CDH4: variants seen among roughly 807,000 people sequenced by gnomAD.
CDH4 encodes the protein cadherin-4.
In CDH4, 33 loss-of-function variants were observed where a neutral mutation model predicts 86.0. The observed-to-expected ratio is 0.38, with a 90% CI of 0.29 to 0.51. The LOEUF (loss-of-function observed/expected upper bound fraction) is 0.51. CDH4 is among the 20% of genes least tolerant of loss of function. CDH4 has a pLI of 0.86. For missense variants in CDH4, 1,114 were observed against 1,307.4 expected (o/e 0.85, Z 2.28); for synonymous variants, 555 against 549.4 (o/e 1.01, Z -0.14).
chr20:61,623,795 C>T lies in CDH4; in HGVS notation c.170-119768C>T, dbSNP rs755344913. Among the ~76,000 whole-genome samples, 2 of 150,644 alleles carry T rather than the reference C, an allele frequency of 1.3e-5. No homozygotes were observed. Among genetic ancestry groups the T allele is most frequent in the East Asian group, 3.9e-4 (2 of 5,098 alleles). On this transcript the variant is annotated intron_variant, in intron 2 of 15. Transcript: ENST00000614565. This position sits in a 1 kb window ranked among gnomAD's most constrained non-coding sequence, Gnocchi z 4.4. ...AGCAGGAAAGACACGGTTCCTAGAG[C>T]GAGGAACACCCCAGAATCTGAGCAG...
chr20:61,543,320 A>G (rs1490087953), intron 2 of CDH4, among the ~76,000 whole-genome samples: 1 of 152,220 alleles, frequency 6.6e-6, no homozygotes, highest in Non-Finnish European at 1.5e-5. Flanking sequence ...TGTTATCTCT[A>G]GATGGGAGTT....
At chr20:61,714,895 C>G (rs8116165) in intron 2 of CDH4, among the ~76,000 whole-genome samples, 16,720 of 152,138 alleles carry the variant, frequency 0.11, 1,025 homozygotes, top group East Asian at 0.24. Context: ...CTTTTTGATG[C>G]GGTGACGTCT....
chr20:61,467,618 A>G (rs945865637), intron 2 of CDH4, among the ~76,000 whole-genome samples: 6 of 152,218 alleles, frequency 3.9e-5, no homozygotes, highest in African/African-American at 9.6e-5. Flanking sequence ...AACAAATTCT[A>G]CATAACATAA....
chr20:61,425,949 A>C (rs2085213016), intron 2 of CDH4, among the ~76,000 whole-genome samples: 1 of 152,236 alleles, frequency 6.6e-6, no homozygotes, highest in Non-Finnish European at 1.5e-5. Context: ...ATGTCCTCAG[A>C]TCATCTGAAA....
intron 2 of CDH4, among the ~76,000 whole-genome samples, chr20:61,680,206 C>T (rs2087495519): frequency 6.6e-6 from 1 of 152,238 alleles, no homozygotes; most frequent in South Asian, 2.1e-4. Context: ...CCCCCTGCCC[C>T]TGTCCTCCAC....
chr20:61,493,872 G>T (rs565648240), intron 2 of CDH4, among the ~76,000 whole-genome samples: 11 of 152,212 alleles, frequency 7.2e-5, no homozygotes, highest in Non-Finnish European at 1.3e-4. Flanking sequence ...GAGAACAGTG[G>T]CCCGTACAAA....
At chr20:61,869,516 C>A (rs1983703779) in intron 6 of CDH4, among the ~76,000 whole-genome samples, 2 of 152,228 alleles carry the variant, frequency 1.3e-5, no homozygotes, top group African/African-American at 4.8e-5. Flanking sequence ...CTGGACCCAG[C>A]CACGTTCCTC....
chr20:61,615,792 C>T (rs76137780), intron 2 of CDH4, among the ~76,000 whole-genome samples: 8 of 152,310 alleles, frequency 5.3e-5, no homozygotes, highest in African/African-American at 1.4e-4. Context: ...CTTGCACTTC[C>T]GGATTTTGGG....
chr20:61,759,090 G>A (rs1301804056), intron 3 of CDH4, among the ~76,000 whole-genome samples: 1 of 152,182 alleles, frequency 6.6e-6, no homozygotes, highest in Non-Finnish European at 1.5e-5. Context: ...ATGCATGTGT[G>A]CGCACACACG....
Position 61,924,425 on chromosome 20 carries a change from C to T in CDH4, c.1720C>T (p.Leu574Phe), listed in dbSNP as rs1301599356. The T allele has an allele frequency of 6.2e-7, 1 of 1,613,706 alleles. No homozygotes were observed. ...TTAAVLDRESLYTKNNVYEAT... is the reference protein window; with the variant it reads ...TTAAVLDRESFYTKNNVYEAT... ...GGCGGCAGTGCTGGACCGTGAGTCC[C>T]TCTACACCAAAAACAACGTCTACGA... The change falls in exon 11 of 16, where the codon CTC becomes TTC. Residue 574 changes from leucine to phenylalanine, a missense_variant. Physicochemically the swap from Leu to Phe is conservative, Grantham distance 22 (BLOSUM62 0). Transcript: ENST00000614565.
chr20:61,558,827 G>T (rs1208273433), intron 2 of CDH4, among the ~76,000 whole-genome samples: 2 of 152,254 alleles, frequency 1.3e-5, no homozygotes, highest in African/African-American at 2.4e-5. Flanking sequence ...TCCTGAGAAG[G>T]TCTCACCTCC....
rs745529490 is a variant in CDH4 at position 61,544,408 on chromosome 20, G to C, written c.170-199155G>C. 1.3e-5 allele frequency among the ~76,000 whole-genome samples: 2 copies of C among 152,002 alleles called. No individual in the cohort carries two copies. Among genetic ancestry groups the C allele is most frequent in the Non-Finnish European group, 2.9e-5 (2 of 67,996 alleles). On this transcript the variant is annotated intron_variant, in intron 2 of 15. Transcript: ENST00000614565. The surrounding 1 kb of genome is among the most constrained non-coding windows in gnomAD (Gnocchi z 6.5). ...AATCCAGCTTGCCCAGGAGAGAGGG[G>C]TGGGACTCCTGGTGTTCACTTCGTA...
intron 2 of CDH4, 21 bp from the exon 3 acceptor site, chr20:61,743,542 T>A: frequency 6.5e-7 from 1 of 1,547,360 alleles, no homozygotes; most frequent in Non-Finnish European, 8.8e-7. Context: ...CGACCCTGAC[T>A]CTCTCCCCCT....
chr20:61,270,416 A>G (rs1171491780), intron 2 of CDH4, among the ~76,000 whole-genome samples: 1 of 152,224 alleles, frequency 6.6e-6, no homozygotes, highest in Non-Finnish European at 1.5e-5. Flanking sequence ...CTTATATTTT[A>G]AGATAAAAAT....
At chr20:61,423,415 G>T (rs1435430750) in intron 2 of CDH4, among the ~76,000 whole-genome samples, 2 of 152,114 alleles carry the variant, frequency 1.3e-5, no homozygotes, top group South Asian at 4.1e-4. Flanking sequence ...ACCTGTATGG[G>T]CAAGACATGT....
chr20:61,901,780 T>C (rs1256859362), intron 8 of CDH4, among the ~76,000 whole-genome samples: 3 of 152,008 alleles, frequency 2.0e-5, no homozygotes, highest in Non-Finnish European at 2.9e-5. Context: ...GCCCATGGGG[T>C]TGGGGTGACA....
chr20:61,321,803 C>T (rs975646465), intron 2 of CDH4, among the ~76,000 whole-genome samples: 3 of 152,184 alleles, frequency 2.0e-5, no homozygotes, highest in African/African-American at 7.2e-5. Flanking sequence ...TAACAGGTGA[C>T]AGCACTGAGC....
intron 3 of CDH4, among the ~76,000 whole-genome samples, chr20:61,756,090 C>T (rs1219067809): frequency 6.6e-6 from 1 of 152,224 alleles, no homozygotes; most frequent in African/African-American, 2.4e-5. Context: ...CATGCCTTCT[C>T]CTCTGCACAT....
intron 9 of CDH4, among the ~76,000 whole-genome samples, chr20:61,922,926 TG>T (rs966653090): frequency 6.6e-6 from 1 of 152,212 alleles, no homozygotes; most frequent in African/African-American, 2.4e-5. Context: ...CAGCCCTGCC[TG>T]TCTGTTATGA....
Sources: gnomAD v4.1 joint callset for allele counts (sites outside exome capture counted in the v4.1 genomes callset) on GRCh38, gnomAD v4.1.1 for gene constraint, Gnocchi (gnomAD v3.1) non-coding constraint, MANE v1.5 for transcripts, NCBI Gene and HGNC (gene_info 2026-07-23, HGNC 2026-07-21) for gene names.